Variants in DAB1 observed in about 807,000 individuals in gnomAD.
The protein encoded by DAB1 is disabled homolog 1.
Under a neutral mutation model 64.6 loss-of-function variants are expected in DAB1, and 15 were observed. That is an observed-to-expected ratio of 0.23 (90% confidence interval 0.16 to 0.36). DAB1 has a LOEUF of 0.36. Ranked by LOEUF, DAB1 falls within the 10% of genes least tolerant of loss-of-function variation. The probability of loss-of-function intolerance (pLI) is 1.00; values close to 1 mark genes in which losing one functional copy is unlikely to be tolerated. For synonymous variants in DAB1, 235 were observed against 251.9 expected, an observed-to-expected ratio of 0.93 and a Z score of 0.64; for missense variants, 596 against 706.7, an observed-to-expected ratio of 0.84 and a Z score of 1.78.
chr1:57,173,641 G>T (rs1662009152), intron 2 of DAB1, among the ~76,000 whole-genome samples: 1 of 152,066 alleles, frequency 6.6e-6, no homozygotes. Context: ...TTAAATTAAG[G>T]CAAGCTTAAT....
At chr1:57,921,829 C>T (rs937475794) in intron 5 of DAB1, among the ~76,000 whole-genome samples, 1 of 152,154 alleles carries the variant, frequency 6.6e-6, no homozygotes, top group Non-Finnish European at 1.5e-5. Flanking sequence ...AAATTCCCAC[C>T]ATGGCCTCTA....
intron 5 of DAB1, among the ~76,000 whole-genome samples, chr1:57,918,441 G>A (rs1030644715): frequency 2.0e-5 from 3 of 152,224 alleles, no homozygotes; most frequent in East Asian, 1.9e-4. Flanking sequence ...GAAAATACCC[G>A]AGGGGTGTCC....
intron 5 of DAB1, among the ~76,000 whole-genome samples, chr1:58,090,033 G>C (rs1439982007): frequency 6.6e-6 from 1 of 152,200 alleles, no homozygotes; most frequent in Non-Finnish European, 1.5e-5. Flanking sequence ...CACTGCTGCT[G>C]CCTGACATCA....
intron 1 of DAB1, among the ~76,000 whole-genome samples, chr1:57,341,094 C>A (rs1677540828): frequency 6.6e-6 from 1 of 152,142 alleles, no homozygotes; most frequent in South Asian, 2.1e-4. Context: ...ATTTTACAGA[C>A]GAGGACATTG....
chr1:58,237,580 T>G (rs549644600), intron 4 of DAB1, among the ~76,000 whole-genome samples: 5 of 152,224 alleles, frequency 3.3e-5, no homozygotes, highest in African/African-American at 1.2e-4. Flanking sequence ...AAAAAGTATG[T>G]AAAGGAGGCA....
chr1:58,526,787 A>G (rs938478271), intron 2 of DAB1, among the ~76,000 whole-genome samples: 3 of 152,134 alleles, frequency 2.0e-5, no homozygotes, highest in Non-Finnish European at 4.4e-5. Flanking sequence ...GCCTCCTTAG[A>G]TCAGAGAAGC....
chr1:58,412,251 G>T (rs114608844), intron 3 of DAB1, among the ~76,000 whole-genome samples: 4,824 of 152,282 alleles, frequency 0.032, 92 homozygotes, highest in African/African-American at 0.057. Flanking sequence ...AGAACCATAA[G>T]ATGGCAAGAG....
At chr1:57,456,798 T>C (rs1686611485) in intron 7 of DAB1, among the ~76,000 whole-genome samples, 2 of 152,174 alleles carry the variant, frequency 1.3e-5, no homozygotes, top group Admixed American at 1.3e-4. Context: ...CCTTCTTAGC[T>C]ATCTCCTCTT....
intron 3 of DAB1, among the ~76,000 whole-genome samples, chr1:58,502,908 A>G (rs1645928780): frequency 6.6e-6 from 1 of 152,214 alleles, no homozygotes; most frequent in Non-Finnish European, 1.5e-5. Context: ...CTGAACTAGG[A>G]TAGTTTATTT....
chr1:57,439,106 T>C (rs779770921), intron 7 of DAB1, among the ~76,000 whole-genome samples: 5 of 152,172 alleles, frequency 3.3e-5, no homozygotes, highest in Admixed American at 6.5e-5. Flanking sequence ...TCAGTGCTTC[T>C]GCAGAAATAC....
At chr1:57,579,259 T>C (rs1645285199) in intron 7 of DAB1, among the ~76,000 whole-genome samples, 1 of 152,210 alleles carries the variant, frequency 6.6e-6, no homozygotes, top group Non-Finnish European at 1.5e-5. Context: ...TCCCTATCCA[T>C]CATAATGAAG....
At chr1:58,217,526 T>TA (rs1553168118) in intron 4 of DAB1, among the ~76,000 whole-genome samples, 2 of 152,350 alleles carry the variant, frequency 1.3e-5, no homozygotes, top group South Asian at 4.1e-4. Flanking sequence ...TTCAGTTATT[T>TA]ACACACAGTT....
intron 11 of DAB1, among the ~76,000 whole-genome samples, chr1:57,018,964 C>A (rs1570511888): frequency 6.6e-6 from 1 of 152,146 alleles, no homozygotes; most frequent in Non-Finnish European, 1.5e-5. Context: ...CTGTCTAACC[C>A]TGATTTGCTC....
chr1:57,964,911 C>A (rs1030764124), intron 5 of DAB1, among the ~76,000 whole-genome samples: 2 of 151,804 alleles, frequency 1.3e-5, no homozygotes, highest in African/African-American at 4.8e-5. Context: ...TAAAGGTAGA[C>A]ATTATTTGCT....
At chr1:57,409,607 G>A (rs572289168) in intron 1 of DAB1, among the ~76,000 whole-genome samples, 4 of 152,240 alleles carry the variant, frequency 2.6e-5, no homozygotes, top group East Asian at 3.9e-4. Flanking sequence ...TCAGGAATTC[G>A]AGACCAGCCT....
chr1:58,363,163 G>A (rs181221491), intron 3 of DAB1, among the ~76,000 whole-genome samples: 20 of 152,254 alleles, frequency 1.3e-4, no homozygotes, highest in Admixed American at 9.8e-4. Flanking sequence ...GTAGGGGTTA[G>A]GGCTTCAATA....
At chr1:57,798,468 G>A (rs1650973514) in intron 6 of DAB1, among the ~76,000 whole-genome samples, 1 of 152,152 alleles carries the variant, frequency 6.6e-6, no homozygotes, top group Non-Finnish European at 1.5e-5. Flanking sequence ...GAAGTCTCAA[G>A]GTCCAGAGGA....
intron 2 of DAB1, among the ~76,000 whole-genome samples, chr1:58,516,521 T>TA (rs1471973974): frequency 6.6e-6 from 1 of 152,206 alleles, no homozygotes; most frequent in African/African-American, 2.4e-5. Flanking sequence ...ATCATTCTGA[T>TA]AATTTATATA....
rs1233856758 is a variant in DAB1, at chr1:57,695,299, G to GAAAGAAA, written n.552-45635_552-45634insTTTCTTT. Among the ~76,000 whole-genome samples the GAAAGAAA allele has an allele frequency of 2.7e-3, 100 of 37,244 alleles. 5 individuals carry two copies. The highest frequency in any genetic ancestry group is 5.0e-3 in the East Asian group (5 of 992). The allele number at this position is 37,244 out of a possible 152,430, so 24.4% of individuals were successfully genotyped here. A position where few individuals can be genotyped will look rare whatever the true frequency, so the allele number is the denominator to read the frequency against. On this transcript the variant is annotated intron_variant and non_coding_transcript_variant, in intron 6 of 20. Transcript: ENST00000485760. ...AAGGAAGGAAGAAAGGGAGAGAGAA[G>GAAAGAAA]GAAAGAAAGAAAGAAAGAAAGAAAG...
Sources: allele counts gnomAD v4.1 joint callset (sites outside exome capture counted in the v4.1 genomes callset), GRCh38; gene constraint gnomAD v4.1.1; transcripts MANE v1.5; gene names NCBI Gene and HGNC (gene_info 2026-07-23, HGNC 2026-07-21).